Variants in KCNQ1 observed in about 807,000 individuals in gnomAD.
The protein encoded by KCNQ1 is potassium voltage-gated channel subfamily Q member 1, also known as potassium voltage-gated channel subfamily KQT member 1.
A neutral mutation model predicts 72.4 loss-of-function variants in KCNQ1; 49 were observed. The observed-to-expected ratio is 0.68, with a 90% CI of 0.54 to 0.86. KCNQ1 has a LOEUF of 0.86. Ranked by LOEUF, KCNQ1 falls within the 40% of genes least tolerant of loss-of-function variation. The probability of loss-of-function intolerance (pLI) is 0.00; values close to 1 mark genes in which losing one functional copy is unlikely to be tolerated. For missense variants in KCNQ1, 790 were observed against 945.1 expected, an observed-to-expected ratio of 0.84 and a Z score of 2.15; for synonymous variants, 450 against 412.6, an observed-to-expected ratio of 1.09 and a Z score of -1.10.
rs1845915584 is a variant in KCNQ1, at chr11:2,734,302, G to A, written c.1515-34542G>A. On this transcript the variant is annotated intron_variant, in intron 11 of 15. Coordinates refer to ENST00000155840, the MANE Select transcript of KCNQ1 (RefSeq NM_000218.3). The surrounding 1 kb of genome is among the most constrained non-coding windows in gnomAD (Gnocchi z 7.0). ...AGAGCAGGGCAGGGGTGGCCAAAAG[G>A]CGCCTAGAAGGCTGGACTTTCCGTG... 6.6e-6 allele frequency among the ~76,000 whole-genome samples: 1 copy of A among 152,256 alleles called. No homozygotes were observed. Among genetic ancestry groups the A allele is most frequent in the African/African-American group, 2.4e-5 (1 of 41,468 alleles).
intron 13 of KCNQ1, among the ~76,000 whole-genome samples, chr11:2,776,477 A>G (rs981454828): frequency 2.6e-5 from 4 of 152,180 alleles, no homozygotes; most frequent in African/African-American, 9.7e-5. Context: ...GCCTGGTGCC[A>G]GGCCCCACCG....
At position 2,676,485 on chromosome 11, in the gene KCNQ1, T is replaced by A. The variant is rs1850296936; in HGVS notation, c.1514+14404T>A. 2 of 398,704 alleles carry A rather than the reference T, an allele frequency of 5.0e-6. No homozygotes were observed. Among genetic ancestry groups the A allele is most frequent in the Non-Finnish European group, 8.8e-6 (2 of 226,100 alleles). 24.7% of individuals were successfully genotyped at this position (398,704 alleles called of 1,614,324 possible). ...ATTGTTAGCTGTAGTCTTTCTGGCA[T>A]CAGTTCCATTTCTGGTGAACACTTG... On this transcript the variant is annotated intron_variant, in intron 11 of 15. Coordinates refer to ENST00000155840, the MANE Select transcript of KCNQ1 (RefSeq NM_000218.3). This position sits in a 1 kb window ranked among gnomAD's most constrained non-coding sequence, Gnocchi z 4.2.
In KCNQ1 at chr11:2,588,796, C is replaced by T. The variant is rs890238618; in HGVS notation, c.1335C>T (p.Cys445=). The change falls in exon 10 of 16, where the codon TGC becomes TGT. Residue 445 remains cysteine, a synonymous_variant. Transcript: ENST00000155840. The surrounding 1 kb of genome is among the most constrained non-coding windows in gnomAD (Gnocchi z 5.6). ...EKMLTVPHIT[C]DPPEERRLDH... is the part of the protein sequence containing the mutation. ...TGCTCACAGTCCCCCATATCACGTGCGACCCCCCAGAAGAGCGGCGGCTGG... is the reference window on the plus strand; with the variant it reads ...TGCTCACAGTCCCCCATATCACGTGTGACCCCCCAGAAGAGCGGCGGCTGG... 1.4e-5 allele frequency: 23 copies of T among 1,613,282 alleles called. No individual in the cohort carries two copies. Among genetic ancestry groups the T allele is most frequent in the Middle Eastern group, 1.7e-4 (1 of 5,934 alleles).
rs545786046 is a variant in KCNQ1, at chr11:2,830,427, C to T, written c.1795-17340C>T. Among the ~76,000 whole-genome samples the T allele has an allele frequency of 6.6e-6, 1 of 152,234 alleles. No individual in the cohort carries two copies. Among genetic ancestry groups the T allele is most frequent in the South Asian group, 2.1e-4 (1 of 4,824 alleles). ...GGGATCTAAGTCCCTGTTAAGTCCC[C>T]TGTTAAAGGACCTAGGTCCTCCCAA... is the stretch of plus-strand genomic sequence containing the variant. On this transcript the variant is annotated intron_variant, in intron 15 of 15. Coordinates refer to ENST00000155840, the MANE Select transcript of KCNQ1 (RefSeq NM_000218.3). The surrounding 1 kb of genome is among the most constrained non-coding windows in gnomAD (Gnocchi z 7.7).
chr11:2,716,820 C>T (rs1851100881), intron 11 of KCNQ1, among the ~76,000 whole-genome samples: 1 of 152,234 alleles, frequency 6.6e-6, no homozygotes, highest in Non-Finnish European at 1.5e-5. Context: ...CATCTCTTCC[C>T]ACATTTGGAG....
rs397508096 is a variant in KCNQ1 at position 2,445,251 on chromosome 11, C to G, written c.153C>G (p.Tyr51Ter). The change falls in exon 1 of 16, where the codon TAC (tyrosine) becomes TAG (stop). Residue 51 changes from tyrosine to a stop codon, truncating the protein, a stop_gained. Coordinates refer to ENST00000155840, the MANE Select transcript of KCNQ1 (RefSeq NM_000218.3). LOFTEE classifies it high-confidence loss of function. The stretch of plus-strand genomic sequence containing the variant: ...GCGGCCCGGCGGGCGGCGCGCTCTA[C>G]GCGCCCATCGCGCCCGGCGCCCCAG... ...AEGGPAGGAL[Y>*]APIAPGAPGP... 4.2e-6 allele frequency: 5 copies of G among 1,192,578 alleles called. No individual in the cohort carries two copies. The highest frequency in any genetic ancestry group is 5.2e-6 in the Non-Finnish European group (5 of 968,396). The allele number at this position is 1,192,578 out of a possible 1,614,324, so 73.9% of individuals were successfully genotyped here.
chr11:2,667,034 G>C (rs556194717), intron 11 of KCNQ1: 1 of 398,544 alleles, frequency 2.5e-6, no homozygotes, highest in Non-Finnish European at 4.4e-6. Context: ...GCCCCACATA[G>C]CCCCAGCCAG....
In KCNQ1 at chr11:2,653,509, T is replaced by C. The variant is rs1849789968; in HGVS notation, c.1394-8452T>C. On this transcript the variant is annotated intron_variant, in intron 10 of 15. Coordinates refer to ENST00000155840, the MANE Select transcript of KCNQ1 (RefSeq NM_000218.3). The surrounding 1 kb of genome is among the most constrained non-coding windows in gnomAD (Gnocchi z 5.3). ...CAGCTGGACCCCAGAGCTGAGATGA[T>C]CTTGCTCACTTGCTCTCACTCTCCC... 2.5e-6 allele frequency: 1 copy of C among 398,578 alleles called. No homozygotes were observed. The highest frequency in any genetic ancestry group is 4.4e-5 in the Admixed American group (1 of 22,708). The allele number at this position is 398,578 out of a possible 1,614,324, so 24.7% of individuals were successfully genotyped here.
chr11:2,552,014 A>G lies in KCNQ1; in HGVS notation c.478-18614A>G, dbSNP rs75461204. 9.2e-3 allele frequency among the ~76,000 whole-genome samples: 1,397 copies of G among 152,264 alleles called. 24 individuals carry two copies. The highest frequency in any genetic ancestry group is 0.032 in the African/African-American group (1,324 of 41,542). On this transcript the variant is annotated intron_variant, in intron 2 of 15. Coordinates refer to ENST00000155840, the MANE Select transcript of KCNQ1 (RefSeq NM_000218.3). ...GTCCTTCACCAGATCTGTTTTACAA[A>G]TATTTTCTCCCAGTCATGGCTTTGT...
In KCNQ1 at chr11:2,808,966, CAG is replaced by C. The variant is rs1234848174; in HGVS notation, c.1794+30933_1794+30934del. 4.9e-5 allele frequency among the ~76,000 whole-genome samples: 7 copies of C among 141,524 alleles called. No homozygotes were observed. The highest frequency in any genetic ancestry group is 2.1e-4 in the East Asian group (1 of 4,764). The allele number at this position is 141,524 out of a possible 152,430, so 92.8% of individuals were successfully genotyped here. On this transcript the variant is annotated intron_variant, in intron 15 of 15. Transcript: ENST00000155840. This position sits in a 1 kb window ranked among gnomAD's most constrained non-coding sequence, Gnocchi z 6.0. Reference sequence around the variant, plus strand: ...ATGGATATATGGATGCATGGAGAGACAGAGAAATAGATGCAGAGATGGAGGGA... The same window carrying C: ...ATGGATATATGGATGCATGGAGAGACAGAAATAGATGCAGAGATGGAGGGA...
chr11:2,653,118 G>A lies in KCNQ1; in HGVS notation c.1394-8843G>A. On this transcript the variant is annotated intron_variant, in intron 10 of 15. Coordinates refer to ENST00000155840, the MANE Select transcript of KCNQ1 (RefSeq NM_000218.3). This position sits in a 1 kb window ranked among gnomAD's most constrained non-coding sequence, Gnocchi z 5.3. ...GAGAGGCTCACTGAAGGTTTGGGGA[G>A]ATGAGGACTTGCATCACAGCAGTAG... is the stretch of plus-strand genomic sequence containing the variant. 1 of 398,770 alleles carries A rather than the reference G, an allele frequency of 2.5e-6. No individual in the cohort carries two copies. The highest frequency in any genetic ancestry group is 4.4e-6 in the Non-Finnish European group (1 of 226,142). The allele number at this position is 398,770 out of a possible 1,614,324, so 24.7% of individuals were successfully genotyped here.
At chr11:2,499,416 G>C (rs749733112) in intron 1 of KCNQ1, among the ~76,000 whole-genome samples, 2 of 151,284 alleles carry the variant, frequency 1.3e-5, no homozygotes. Flanking sequence ...ATCTTCACCA[G>C]AAAACAAATA....
intron 11 of KCNQ1, chr11:2,693,686 G>T (rs1850626416): frequency 2.5e-6 from 1 of 398,496 alleles, no homozygotes; most frequent in African/African-American, 2.1e-5. Flanking sequence ...CCAGAGACTG[G>T]GTGCGCTCCA....
intron 11 of KCNQ1, among the ~76,000 whole-genome samples, chr11:2,755,153 A>G (rs760812871): frequency 1.1e-3 from 167 of 151,712 alleles, no homozygotes; most frequent in South Asian, 2.9e-3. Flanking sequence ...CTCTATCTTC[A>G]GAGCCATCAT....
intron 15 of KCNQ1, among the ~76,000 whole-genome samples, chr11:2,841,722 C>T (rs557509369): frequency 1.3e-5 from 2 of 152,190 alleles, no homozygotes; most frequent in Non-Finnish European, 2.9e-5. Context: ...GAACGAGGGT[C>T]GTGTGGTGAC....
chr11:2,727,396 T>C (rs1350570448), intron 11 of KCNQ1, among the ~76,000 whole-genome samples: 1 of 152,184 alleles, frequency 6.6e-6, no homozygotes, highest in East Asian at 1.9e-4. Flanking sequence ...CCAAGGATCA[T>C]TCCTGTGTGA....
At chr11:2,825,569 G>T (rs76861852) in intron 15 of KCNQ1, among the ~76,000 whole-genome samples, 2,967 of 152,296 alleles carry the variant, frequency 0.019, 100 homozygotes, top group African/African-American at 0.067. Context: ...AGATGTCGTC[G>T]TCTTCAACAA....
chr11:2,843,604 A>G (rs757007142), intron 15 of KCNQ1, among the ~76,000 whole-genome samples: 10 of 152,266 alleles, frequency 6.6e-5, no homozygotes, highest in Non-Finnish European at 7.3e-5. Flanking sequence ...CCAGTCTGCC[A>G]TCCACGAGGC....
rs769996750 is a variant in KCNQ1 at position 2,750,100 on chromosome 11, G to C, written c.1515-18744G>C. 6.6e-6 allele frequency among the ~76,000 whole-genome samples: 1 copy of C among 152,216 alleles called. No individual in the cohort carries two copies. The highest frequency in any genetic ancestry group is 1.5e-5 in the Non-Finnish European group (1 of 68,036). ...CGGAGCCTGGGTGCAGGGGCATCTTGCTGGTGAAGCTGGGGAGAGACCTGC... is the reference window on the plus strand; with the variant it reads ...CGGAGCCTGGGTGCAGGGGCATCTTCCTGGTGAAGCTGGGGAGAGACCTGC... On this transcript the variant is annotated intron_variant, in intron 11 of 15. Transcript: ENST00000155840. This position sits in a 1 kb window ranked among gnomAD's most constrained non-coding sequence, Gnocchi z 6.3.
Sources: gnomAD v4.1 joint callset for allele counts (sites outside exome capture counted in the v4.1 genomes callset) on GRCh38, gnomAD v4.1.1 for gene constraint, Gnocchi (gnomAD v3.1) non-coding constraint, MANE v1.5 for transcripts, NCBI Gene and HGNC (gene_info 2026-07-23, HGNC 2026-07-21) for gene names.